The following MARCHF1 variants were observed in gnomAD, a reference collection of about 807,000 sequenced individuals.
MARCHF1 encodes the protein membrane associated ring-CH-type finger 1.
A neutral mutation model predicts 54.2 loss-of-function variants in MARCHF1; 40 were observed. That is an observed-to-expected ratio of 0.74 (90% CI 0.57 to 0.96). MARCHF1 has a LOEUF of 0.96. Among genes scored for constraint, MARCHF1 ranks in the 40% least tolerant of loss-of-function variants. The pLI is 0.00. For synonymous variants in MARCHF1, 236 were observed against 236.3 expected, an observed-to-expected ratio of 1.00 and a Z score of 0.01; for missense variants, 586 against 656.5, an observed-to-expected ratio of 0.89 and a Z score of 1.17.
rs146357456 is a variant in MARCHF1, at chr4:163,889,919, C to CTT, written c.-38-35752_-38-35751dup. Among the ~76,000 whole-genome samples, 38 of 117,228 alleles carry CTT rather than the reference C, an allele frequency of 3.2e-4. 1 individual carries two copies. The highest frequency in any genetic ancestry group is 1.5e-3 in the East Asian group (4 of 2,642). The allele number at this position is 117,228 out of a possible 152,430, so 76.9% of individuals were successfully genotyped here. A position where few individuals can be genotyped will look rare whatever the true frequency, so the allele number is the denominator to read the frequency against. On this transcript the variant is annotated intron_variant, in intron 3 of 9. Coordinates refer to ENST00000514618, the MANE Select transcript of MARCHF1 (RefSeq NM_001394959.1). ...ATGTTAAACTTCGTTTATTTATTTT[C>CTT]TTTTTTCTTTTTTTTTTTTTTTTGA...
chr4:164,184,825 T>C (rs1473112489), intron 1 of MARCHF1, among the ~76,000 whole-genome samples: 1 of 152,178 alleles, frequency 6.6e-6, no homozygotes, highest in Non-Finnish European at 1.5e-5. Context: ...TGATTATAAA[T>C]GGATCCTAAT....
In MARCHF1 at chr4:163,687,644, T is replaced by C. The variant is rs538494354; in HGVS notation, c.162+13169A>G. 2.6e-5 allele frequency among the ~76,000 whole-genome samples: 4 copies of C among 152,352 alleles called. No individual in the cohort carries two copies. The East Asian group carries it at 7.7e-4, about 29-fold the overall frequency. ...ATTAAGTCTGTGAATTTCAATGTGTTGTGAGGAAGTTATCTTTATGGGTTT... is the reference window on the plus strand; with the variant it reads ...ATTAAGTCTGTGAATTTCAATGTGTCGTGAGGAAGTTATCTTTATGGGTTT... On this transcript the variant is annotated intron_variant, in intron 5 of 9. Transcript: ENST00000514618.
At chr4:164,319,373 T>C (rs1364075984) in intron 1 of MARCHF1, among the ~76,000 whole-genome samples, 4 of 152,112 alleles carry the variant, frequency 2.6e-5, no homozygotes, top group Admixed American at 6.6e-5. Flanking sequence ...CAATTCCCCA[T>C]GGATACCAAG....
At chr4:164,019,360 G>A (rs1288313531) in intron 2 of MARCHF1, among the ~76,000 whole-genome samples, 1 of 152,008 alleles carries the variant, frequency 6.6e-6, no homozygotes, top group Non-Finnish European at 1.5e-5. Context: ...TTCCTTCTTT[G>A]AATTATTTTT....
At chr4:163,654,007 G>A in intron 5 of MARCHF1, among the ~76,000 whole-genome samples, 1 of 151,722 alleles carries the variant, frequency 6.6e-6, no homozygotes, top group East Asian at 1.9e-4. Flanking sequence ...AGTTCAGAAA[G>A]GTAAAGATAA....
intron 1 of MARCHF1, among the ~76,000 whole-genome samples, chr4:164,291,868 C>T (rs1734291594): frequency 6.6e-6 from 1 of 152,016 alleles, no homozygotes; most frequent in Non-Finnish European, 1.5e-5. Flanking sequence ...TCCTTAATGA[C>T]TCAGAGGTGC....
chr4:164,054,460 A>C (rs998021291), intron 2 of MARCHF1, among the ~76,000 whole-genome samples: 51 of 152,206 alleles, frequency 3.4e-4, no homozygotes, highest in African/African-American at 1.2e-3. Flanking sequence ...ATGCTGCTAT[A>C]AAGACACATG....
intron 5 of MARCHF1, among the ~76,000 whole-genome samples, chr4:163,639,861 C>A (rs11725683): frequency 0.39 from 59,152 of 151,874 alleles, 12,349 homozygotes; most frequent in East Asian, 0.59. Flanking sequence ...GAAACAAAGA[C>A]GAACAGCTAT....
chr4:164,382,481 A>G (rs936108449), intron 1 of MARCHF1, among the ~76,000 whole-genome samples: 3 of 152,224 alleles, frequency 2.0e-5, no homozygotes, highest in Admixed American at 2.0e-4. Flanking sequence ...GATTATTTAC[A>G]TTTAATATAC....
intron 1 of MARCHF1, among the ~76,000 whole-genome samples, chr4:164,209,836 G>T (rs1465871691): frequency 6.6e-6 from 1 of 151,838 alleles, no homozygotes; most frequent in African/African-American, 2.4e-5. Flanking sequence ...GCCTCTAGAA[G>T]AAAATTTAGA....
At chr4:163,648,274 G>A (rs954697083) in intron 5 of MARCHF1, among the ~76,000 whole-genome samples, 1 of 151,882 alleles carries the variant, frequency 6.6e-6, no homozygotes, top group Non-Finnish European at 1.5e-5. Flanking sequence ...CTAAGACCAA[G>A]TAGAAATGTA....
intron 4 of MARCHF1, among the ~76,000 whole-genome samples, chr4:163,720,507 G>A (rs1279305433): frequency 1.3e-5 from 2 of 152,194 alleles, no homozygotes; most frequent in Admixed American, 6.5e-5. Context: ...TCTTGGCAAT[G>A]TGGGCTCTTT....
At chr4:164,374,248 ATTT>A (rs1236382277) in intron 1 of MARCHF1, among the ~76,000 whole-genome samples, 1 of 129,350 alleles carries the variant, frequency 7.7e-6, no homozygotes, top group Non-Finnish European at 1.6e-5. Context: ...AGACGTCAAC[ATTT>A]TTTTAAGTTT....
At chr4:163,743,382 C>A (rs1305038109) in intron 4 of MARCHF1, among the ~76,000 whole-genome samples, 4 of 152,118 alleles carry the variant, frequency 2.6e-5, no homozygotes, top group African/African-American at 9.7e-5. Context: ...AGATTGTTTT[C>A]AGATTAAACC....
At chr4:164,187,988 A>T (rs954858710) in intron 1 of MARCHF1, among the ~76,000 whole-genome samples, 7 of 152,126 alleles carry the variant, frequency 4.6e-5, no homozygotes, top group African/African-American at 1.4e-4. Context: ...GAATACTCAG[A>T]TTGAACATGG....
chr4:163,529,476 T>C (rs990254712), intron 9 of MARCHF1, among the ~76,000 whole-genome samples: 4 of 152,002 alleles, frequency 2.6e-5, no homozygotes, highest in Non-Finnish European at 5.9e-5. Context: ...TGGGTTTGTA[T>C]GTACAGGTCT....
rs190637010 is a variant in MARCHF1, at chr4:164,303,933, G to A, written c.-323+79937C>T. 8.5e-5 allele frequency among the ~76,000 whole-genome samples: 13 copies of A among 152,322 alleles called. No individual in the cohort carries two copies. The East Asian group carries it at 2.5e-3, about 29-fold the overall frequency. Reference sequence around the variant, plus strand: ...TTGGGTAATCGACACTCCGAGTGATGAATCCAAATAAAAGCTTTCCTATCC... The same window carrying A: ...TTGGGTAATCGACACTCCGAGTGATAAATCCAAATAAAAGCTTTCCTATCC... On this transcript the variant is annotated intron_variant, in intron 1 of 9. Coordinates refer to ENST00000514618, the MANE Select transcript of MARCHF1 (RefSeq NM_001394959.1).
At chr4:163,662,019 TTA>T (rs1285027436) in intron 5 of MARCHF1, among the ~76,000 whole-genome samples, 3 of 152,192 alleles carry the variant, frequency 2.0e-5, no homozygotes, top group Admixed American at 2.0e-4. Context: ...AATTCCAGGG[TTA>T]TGAGAAGTTT....
chr4:163,613,211 C>T, intron 6 of MARCHF1, 103 bp downstream of exon 6: 1 of 1,347,088 alleles, frequency 7.4e-7, no homozygotes. Flanking sequence ...TTTCTATGGA[C>T]CATGTAAAGC....
Sources: allele counts gnomAD v4.1 joint callset (sites outside exome capture counted in the v4.1 genomes callset), GRCh38; gene constraint gnomAD v4.1.1; transcripts MANE v1.5; gene names NCBI Gene and HGNC (gene_info 2026-07-23, HGNC 2026-07-21).